TAF15: variants seen among roughly 807,000 people sequenced by gnomAD.
TAF15 encodes the protein TATA-box binding protein associated factor 15, also known as TATA-binding protein-associated factor 2N.
A neutral mutation model predicts 102.5 loss-of-function variants in TAF15; 37 were observed. That is an observed-to-expected ratio of 0.36 (90% CI 0.28 to 0.47). TAF15 has a LOEUF of 0.47. Ranked by LOEUF, TAF15 falls within the 20% of genes least tolerant of loss-of-function variation. The probability of loss-of-function intolerance (pLI) is 0.99; values close to 1 mark genes in which losing one functional copy is unlikely to be tolerated. For missense variants in TAF15, 652 were observed against 760.7 expected, an observed-to-expected ratio of 0.86 and a Z score of 1.68; for synonymous variants, 273 against 259.2, an observed-to-expected ratio of 1.05 and a Z score of -0.51.
At chr17:35,831,909 C>T (rs1450144724) in intron 7 of TAF15, among the ~76,000 whole-genome samples, 1 of 151,472 alleles carries the variant, frequency 6.6e-6, no homozygotes, top group Non-Finnish European at 1.5e-5. Flanking sequence ...AGTGAAACCC[C>T]GTCTCTACTA....
chr17:35,835,829 A>G (rs2087467827), intron 9 of TAF15, among the ~76,000 whole-genome samples: 1 of 152,232 alleles, frequency 6.6e-6, no homozygotes, highest in Non-Finnish European at 1.5e-5. Flanking sequence ...TCTCTTCATG[A>G]CGTTTAGCCC....
intron 7 of TAF15, among the ~76,000 whole-genome samples, chr17:35,830,922 A>C (rs572465626): frequency 4.5e-4 from 68 of 152,284 alleles, no homozygotes; most frequent in African/African-American, 1.6e-3. Flanking sequence ...TATTTTGTTA[A>C]GGAGATTGAA....
intron 7 of TAF15, 90 bp downstream of exon 7, chr17:35,824,288 CTAATT>C: frequency 6.6e-7 from 1 of 1,517,148 alleles, no homozygotes; most frequent in Non-Finnish European, 8.9e-7. Context: ...ATTCCAGCAT[CTAATT>C]TAGTTAAGAG....
intron 2 of TAF15, among the ~76,000 whole-genome samples, chr17:35,818,107 T>A (rs1452041350): frequency 6.6e-6 from 1 of 151,890 alleles, no homozygotes; most frequent in East Asian, 1.9e-4. Context: ...CCTTTTCTTT[T>A]TTTTTTGAGA....
intron 11 of TAF15, among the ~76,000 whole-genome samples, chr17:35,842,120 A>G (rs535311462): frequency 2.0e-5 from 3 of 147,626 alleles, no homozygotes; most frequent in Admixed American, 1.3e-4. Flanking sequence ...ATACCACTCC[A>G]CCTTGTTTTT....
intron 7 of TAF15, among the ~76,000 whole-genome samples, chr17:35,831,777 T>C (rs1568266131): frequency 6.6e-6 from 1 of 151,996 alleles, no homozygotes; most frequent in Non-Finnish European, 1.5e-5. Flanking sequence ...TTTATCACTT[T>C]TTGGAGTTAA....
In TAF15 at chr17:35,844,679, C is replaced by A. The variant is rs146792937; in HGVS notation, c.1380C>A (p.Gly460=). ...GGGGTGGCTATGGTGGGGACAGAGGCGGCGGCTATGGTGGGGACAGAGGAG... is the reference window on the plus strand; with the variant it reads ...GGGGTGGCTATGGTGGGGACAGAGGAGGCGGCTATGGTGGGGACAGAGGAG... ...RSGGGYGGDR[G]GGYGGDRGGG... The change falls in exon 15 of 16, where the codon GGC becomes GGA. Residue 460 remains glycine, a synonymous_variant. Coordinates refer to ENST00000605844, the MANE Select transcript of TAF15 (RefSeq NM_139215.3). 7.0e-5 allele frequency: 112 copies of A among 1,596,656 alleles called. No homozygotes were observed. Among genetic ancestry groups the A allele is most frequent in the African/African-American group, 5.8e-4 (42 of 72,344 alleles).
At chr17:35,810,857 T>C (rs2087116802) in intron 1 of TAF15, 1 of 152,214 alleles carries the variant, frequency 6.6e-6, no homozygotes, top group African/African-American at 2.4e-5. Context: ...GGAGCCAGGA[T>C]ATTGATTTGT....
Position 35,820,235 on chromosome 17 carries a change from A to T in TAF15, c.171A>T (p.Gly57=), listed in dbSNP as rs1412009352. The T allele has an allele frequency of 6.2e-7, 1 of 1,613,966 alleles. No individual in the cohort carries two copies. Among genetic ancestry groups the T allele is most frequent in the Non-Finnish European group, 8.5e-7 (1 of 1,179,968 alleles). Residue 57 remains glycine (G), a synonymous_variant, in exon 4 of 16, where the codon GGA becomes GGT. Transcript: ENST00000605844. ...ACTACAGCGGTTACTCCAGTTATGG[A>T]CAAAGTCAGTCAGGTTGGACTAGTT... ...GQNYSGYSSY[G]QSQSGYSQSY... is the part of the protein sequence containing the mutation.
chr17:35,838,421 C>T lies in TAF15; in HGVS notation c.784-3C>T. On this transcript the variant is annotated splice_region_variant and splice_polypyrimidine_tract_variant and intron_variant, in intron 10 of 15. Transcript: ENST00000605844. The stretch of plus-strand genomic sequence containing the variant: ...AACACCAAGTGTTTCTGTTTTTCCT[C>T]AGACAAATAAGAAGACCGGAAAACC... The T allele has an allele frequency of 2.5e-6, 4 of 1,614,066 alleles. No individual in the cohort carries two copies. Among genetic ancestry groups the T allele is most frequent in the Non-Finnish European group, 3.4e-6 (4 of 1,180,020 alleles).
chr17:35,821,102 A>G (rs1309321568), intron 5 of TAF15, among the ~76,000 whole-genome samples: 1 of 152,220 alleles, frequency 6.6e-6, no homozygotes, highest in East Asian at 1.9e-4. Flanking sequence ...CAGAGGGTAA[A>G]GAAATTATTT....
chr17:35,843,055 T>C (rs1224074392), intron 12 of TAF15, among the ~76,000 whole-genome samples: 2 of 152,078 alleles, frequency 1.3e-5, no homozygotes, highest in Non-Finnish European at 2.9e-5. Flanking sequence ...GATACCTAAT[T>C]AGGTAATTAA....
intron 6 of TAF15, among the ~76,000 whole-genome samples, chr17:35,823,320 T>C (rs989495539): frequency 4.6e-5 from 7 of 152,236 alleles, no homozygotes; most frequent in Non-Finnish European, 7.3e-5. Context: ...TCACTAAATA[T>C]CTTCTCTCAG....
intron 6 of TAF15, 26 bp downstream of exon 6, chr17:35,822,859 AT>A (rs751805277): frequency 1.9e-6 from 3 of 1,610,628 alleles, no homozygotes; most frequent in East Asian, 2.2e-5. Context: ...CTCTATTATT[AT>A]TTTTCCCCCT....
chr17:35,833,801 G>C, intron 7 of TAF15, 106 bp from the exon 8 acceptor site: 1 of 1,151,586 alleles, frequency 8.7e-7, no homozygotes, highest in Non-Finnish European at 1.3e-6. Context: ...AGGTGCTACT[G>C]TTTTCCTAAG....
At chr17:35,835,684 C>A (rs4251763) in intron 9 of TAF15, among the ~76,000 whole-genome samples, 1 of 152,210 alleles carries the variant, frequency 6.6e-6, no homozygotes, top group African/African-American at 2.4e-5. Context: ...GAATGGGAAA[C>A]CAGCAGTTCT....
chr17:35,839,198 T>C (rs927755373), intron 11 of TAF15, among the ~76,000 whole-genome samples: 2 of 150,786 alleles, frequency 1.3e-5, no homozygotes, highest in East Asian at 1.9e-4. Flanking sequence ...GGAGGATCAC[T>C]TGGGCCCAGG....
At chr17:35,819,692 T>A (rs762392271) in intron 2 of TAF15, among the ~76,000 whole-genome samples, 4 of 152,218 alleles carry the variant, frequency 2.6e-5, no homozygotes, top group Non-Finnish European at 5.9e-5. Context: ...TTATTATAAG[T>A]CTTGCTATGT....
chr17:35,813,066 G>A (rs866945142), intron 1 of TAF15, among the ~76,000 whole-genome samples: 2 of 144,502 alleles, frequency 1.4e-5, no homozygotes, highest in African/African-American at 5.2e-5. Context: ...GGCAGAGGTT[G>A]CAGTTTGAGA....
Sources: allele counts gnomAD v4.1 joint callset (sites outside exome capture counted in the v4.1 genomes callset), GRCh38; gene constraint gnomAD v4.1.1; transcripts MANE v1.5; gene names NCBI Gene and HGNC (gene_info 2026-07-23, HGNC 2026-07-21).